The following RGS9 variants were observed in gnomAD, a reference collection of about 807,000 sequenced individuals.
RGS9 encodes the protein regulator of G protein signaling 9, also known as regulator of G-protein signalling 9.
In RGS9, 78 loss-of-function variants were observed where a neutral mutation model predicts 102.0. The ratio of observed to expected loss-of-function variants is 0.76; its 90% CI spans 0.64 to 0.92. RGS9 has a LOEUF of 0.92. Ranked by LOEUF, RGS9 falls within the 40% of genes least tolerant of loss-of-function variation. RGS9 has a pLI of 0.00. For missense variants in RGS9, 833 were observed against 866.1 expected (o/e 0.96, Z 0.48); for synonymous variants, 353 against 318.6 (o/e 1.11, Z -1.15).
intron 1 of RGS9, among the ~76,000 whole-genome samples, chr17:65,144,772 G>T (rs1237053075): frequency 6.6e-6 from 1 of 152,200 alleles, no homozygotes; most frequent in African/African-American, 2.4e-5. Context: ...CTGTGCAGGG[G>T]AAGGGATGTT....
In RGS9 at chr17:65,158,592, A is replaced by G; in HGVS notation, c.205+247A>G. 4 of 580,626 alleles carry G rather than the reference A, an allele frequency of 6.9e-6. No homozygotes were observed. The South Asian group carries it at 7.5e-5, about 11-fold the overall frequency. The allele number at this position is 580,626 out of a possible 1,614,324, so 36.0% of individuals were successfully genotyped here. A position where few individuals can be genotyped will look rare whatever the true frequency, so the allele number is the denominator to read the frequency against. ...TAAGTGGGGAGGACTCAGTCAAGAA[A>G]GTCCTGGAGGGGGTGCTGTGTATAG... On this transcript the variant is annotated intron_variant, in intron 3 of 18. Coordinates refer to ENST00000262406, the MANE Select transcript of RGS9 (RefSeq NM_003835.4).
chr17:65,165,821 A>T (rs1251895761), intron 7 of RGS9, among the ~76,000 whole-genome samples: 2 of 152,142 alleles, frequency 1.3e-5, no homozygotes, highest in African/African-American at 4.8e-5. Flanking sequence ...TACTTCCTCA[A>T]AGAGGCTTTT....
chr17:65,164,067 T>A (rs1911084903), intron 7 of RGS9, among the ~76,000 whole-genome samples: 1 of 152,154 alleles, frequency 6.6e-6, no homozygotes, highest in African/African-American at 2.4e-5. Flanking sequence ...AAGAGCTGGA[T>A]GCAGATATTG....
intron 17 of RGS9, among the ~76,000 whole-genome samples, chr17:65,224,446 C>A (rs1905523957): frequency 6.6e-6 from 1 of 152,176 alleles, no homozygotes; most frequent in Admixed American, 6.5e-5. Context: ...TGGGCCTAGA[C>A]CACCCCAAAA....
At chr17:65,195,795 G>A (rs1453475548) in intron 12 of RGS9, among the ~76,000 whole-genome samples, 4 of 152,180 alleles carry the variant, frequency 2.6e-5, no homozygotes, top group Middle Eastern at 3.2e-3. Context: ...CACTATCAGC[G>A]TTTTTTGAAA....
Position 65,204,726 on chromosome 17 carries a change from C to T in RGS9, c.1203+425C>T, listed in dbSNP as rs575693715. Among the ~76,000 whole-genome samples the T allele has an allele frequency of 3.9e-5, 6 of 152,256 alleles. No individual in the cohort carries two copies. The South Asian group carries it at 1.0e-3, about 26-fold the overall frequency. The stretch of plus-strand genomic sequence containing the variant: ...AGCAGTAGACAGGTAGGAGTAATGG[C>T]ATTAGTAATGACAACATTATAATAA... On this transcript the variant is annotated intron_variant, in intron 15 of 18. Transcript: ENST00000262406.
At chr17:65,217,422 A>G (rs1452398710) in intron 17 of RGS9, among the ~76,000 whole-genome samples, 1 of 152,248 alleles carries the variant, frequency 6.6e-6, no homozygotes, top group African/African-American at 2.4e-5. Flanking sequence ...TGCCGAATCA[A>G]GAAGTTGAGC....
At position 65,158,071 on chromosome 17, in the gene RGS9, C is replaced by T. The variant is rs371733049; in HGVS notation, c.155-224C>T. 1.6e-4 allele frequency among the ~76,000 whole-genome samples: 25 copies of T among 152,074 alleles called. No homozygotes were observed. The East Asian group carries it at 3.3e-3, about 20-fold the overall frequency. On this transcript the variant is annotated intron_variant, in intron 2 of 18. Coordinates refer to ENST00000262406, the MANE Select transcript of RGS9 (RefSeq NM_003835.4). The stretch of plus-strand genomic sequence containing the variant: ...TGTATGTGTGGGCTGGGGGTGCGTG[C>T]GGTGTTAAGTTGCACATCTGCTGGA...
At chr17:65,199,553 G>A (rs895279192) in intron 13 of RGS9, among the ~76,000 whole-genome samples, 24 of 147,830 alleles carry the variant, frequency 1.6e-4, no homozygotes, top group African/African-American at 5.6e-4. Context: ...GAGCGCAGTG[G>A]CGTGATCTCA....
intron 17 of RGS9, among the ~76,000 whole-genome samples, chr17:65,220,667 C>A (rs73994757): frequency 0.057 from 8,692 of 152,284 alleles, 814 homozygotes; most frequent in African/African-American, 0.19. Flanking sequence ...CACCTTTCTG[C>A]TCCCAGGAAG....
chr17:65,161,914 T>C (rs925290114), intron 6 of RGS9, among the ~76,000 whole-genome samples: 2 of 150,902 alleles, frequency 1.3e-5, no homozygotes, highest in African/African-American at 4.9e-5. Context: ...CCCAGGCTAG[T>C]CTCAAACTCC....
chr17:65,227,310 G>A lies in RGS9; in HGVS notation c.1928G>A (p.Ser643Asn). Reference protein sequence around the residue: ...FQIKMDVPTGSGTCLMDSEDA... With the variant: ...FQIKMDVPTGNGTCLMDSEDA... ...ATCAAAATGGATGTGCCCACGGGGA[G>A]CGGGACCTGCTTGATGGACTCGGAG... The change falls in exon 19 of 19, where the codon AGC becomes AAC. Residue 643 changes from serine (S) to asparagine (N), a missense_variant. By Grantham distance (46) the Ser-to-Asn change is conservative. This residue lies in a region of RGS9 where 320 missense variants were observed against 276.8 expected (regional missense o/e 1.16). Coordinates refer to ENST00000262406, the MANE Select transcript of RGS9 (RefSeq NM_003835.4). The A allele has an allele frequency of 1.9e-6, 3 of 1,614,202 alleles. No homozygotes were observed. The highest frequency in any genetic ancestry group is 2.5e-6 in the Non-Finnish European group (3 of 1,180,038).
At chr17:65,189,081 C>A in intron 9 of RGS9, 1 of 603,540 alleles carries the variant, frequency 1.7e-6, no homozygotes, top group Non-Finnish European at 3.0e-6. Flanking sequence ...CGCTCCTTCG[C>A]TTACAAAATC....
intron 1 of RGS9, among the ~76,000 whole-genome samples, chr17:65,139,224 C>T (rs1277127905): frequency 6.9e-6 from 1 of 145,918 alleles, no homozygotes; most frequent in Non-Finnish European, 1.5e-5. Context: ...CCTAACTTAC[C>T]TCTCCTCTAC....
At chr17:65,176,710 A>ACCAT (rs3034105) in intron 8 of RGS9, among the ~76,000 whole-genome samples, 19,152 of 147,100 alleles carry the variant, frequency 0.13, 1,791 homozygotes, top group East Asian at 0.34. Context: ...TACTCACTCA[A>ACCAT]CCATCCATCC....
chr17:65,162,159 A>G (rs551979727), intron 6 of RGS9, among the ~76,000 whole-genome samples: 2 of 152,240 alleles, frequency 1.3e-5, no homozygotes, highest in Admixed American at 6.5e-5. Context: ...TGGGAGGCCA[A>G]GATGGGAGGA....
intron 8 of RGS9, among the ~76,000 whole-genome samples, chr17:65,176,976 TCCTC>T (rs759681247): frequency 5.5e-4 from 75 of 136,998 alleles, no homozygotes; most frequent in Non-Finnish European, 7.9e-4. Context: ...CTCCTTCCCT[TCCTC>T]CATCCATTCG....
chr17:65,219,008 A>G (rs1913606956), intron 17 of RGS9, among the ~76,000 whole-genome samples: 1 of 152,204 alleles, frequency 6.6e-6, no homozygotes, highest in African/African-American at 2.4e-5. Context: ...AGCCTGGTGA[A>G]GGCAGTGGAG....
At chr17:65,222,342 C>T (rs1913730266) in intron 17 of RGS9, among the ~76,000 whole-genome samples, 1 of 152,224 alleles carries the variant, frequency 6.6e-6, no homozygotes, top group African/African-American at 2.4e-5. Flanking sequence ...CCCAGACACT[C>T]CCCCTTTTTA....
Sources: gnomAD v4.1 joint callset for allele counts (sites outside exome capture counted in the v4.1 genomes callset) on GRCh38, gnomAD v4.1.1 for gene constraint, gnomAD v4.1.1 regional missense constraint, MANE v1.5 for transcripts, NCBI Gene and HGNC (gene_info 2026-07-23, HGNC 2026-07-21) for gene names.